The following RAB11FIP4 variants were observed in gnomAD, a reference collection of about 807,000 sequenced individuals.
The protein encoded by RAB11FIP4 is RAB11 family interacting protein 4.
A neutral mutation model predicts 74.3 loss-of-function variants in RAB11FIP4; 23 were observed. The observed-to-expected ratio is 0.31, with a 90% CI of 0.22 to 0.44. RAB11FIP4 has a LOEUF of 0.44. RAB11FIP4 is among the 20% of genes least tolerant of loss of function. The pLI is 1.00. For synonymous variants in RAB11FIP4, 360 were observed against 359.9 expected (o/e 1.00, Z 0.00); for missense variants, 630 against 863.9 (o/e 0.73, Z 3.39).
intron 1 of RAB11FIP4, among the ~76,000 whole-genome samples, chr17:31,420,015 T>G (rs1447108252): frequency 6.6e-6 from 1 of 152,208 alleles, no homozygotes; most frequent in African/African-American, 2.4e-5. Flanking sequence ...GGTCCTGAGG[T>G]TTTCCTTTTT....
intron 3 of RAB11FIP4, among the ~76,000 whole-genome samples, chr17:31,455,675 T>C (rs1038458730): frequency 2.0e-5 from 3 of 152,186 alleles, no homozygotes; most frequent in Non-Finnish European, 4.4e-5. Flanking sequence ...ATTGGTTGAC[T>C]TTACAACCAA....
At chr17:31,447,100 C>A (rs546066774) in intron 3 of RAB11FIP4, among the ~76,000 whole-genome samples, 5 of 152,182 alleles carry the variant, frequency 3.3e-5, no homozygotes, top group East Asian at 3.9e-4. Context: ...CTGGCTAACA[C>A]GGTGAAACCC....
intron 7 of RAB11FIP4, 79 bp downstream of exon 7, chr17:31,522,474 C>A: frequency 7.0e-7 from 1 of 1,424,040 alleles, no homozygotes; most frequent in Non-Finnish European, 9.8e-7. Flanking sequence ...GCCAGCAGCC[C>A]GGACTCAGCT....
chr17:31,466,084 C>G (rs1270348100), intron 3 of RAB11FIP4, among the ~76,000 whole-genome samples: 1 of 151,874 alleles, frequency 6.6e-6, no homozygotes. Context: ...GCGGAGGTTG[C>G]AGTGAGCCGA....
chr17:31,510,399 G>A (rs561713702), intron 3 of RAB11FIP4, among the ~76,000 whole-genome samples: 1 of 152,232 alleles, frequency 6.6e-6, no homozygotes, highest in Non-Finnish European at 1.5e-5. Context: ...AGCGCTGCAC[G>A]TGTGCCTGCT....
intron 3 of RAB11FIP4, among the ~76,000 whole-genome samples, chr17:31,437,776 C>A (rs936095902): frequency 6.6e-6 from 1 of 152,132 alleles, no homozygotes; most frequent in Non-Finnish European, 1.5e-5. Context: ...GAGCACCCTG[C>A]CCTTCTTGAC....
In RAB11FIP4 at chr17:31,406,369, G is replaced by C. The variant is rs372105653; in HGVS notation, c.159+14358G>C. Among the ~76,000 whole-genome samples the C allele has an allele frequency of 2.9e-3, 449 of 152,334 alleles. 1 individual carries two copies. Among genetic ancestry groups the C allele is most frequent in the South Asian group, 0.012 (60 of 4,830 alleles). On this transcript the variant is annotated intron_variant, in intron 1 of 14. Coordinates refer to ENST00000621161, the MANE Select transcript of RAB11FIP4 (RefSeq NM_032932.6). ...GGAGGCACGTCCTAGACACTGTGTG[G>C]GTGGAATCCAGGGCCTGTCTGCTCA... is the stretch of plus-strand genomic sequence containing the variant.
At chr17:31,450,912 C>T (rs375447918) in intron 3 of RAB11FIP4, among the ~76,000 whole-genome samples, 15 of 152,152 alleles carry the variant, frequency 9.9e-5, no homozygotes, top group East Asian at 5.8e-4. Flanking sequence ...CAGTAAATGG[C>T]ACCACCTCCC....
intron 3 of RAB11FIP4, among the ~76,000 whole-genome samples, chr17:31,488,933 TG>T (rs1217382354): frequency 6.6e-6 from 1 of 152,216 alleles, no homozygotes; most frequent in African/African-American, 2.4e-5. Flanking sequence ...GTGTCTGTGC[TG>T]TGGGGAACTG....
intron 3 of RAB11FIP4, among the ~76,000 whole-genome samples, chr17:31,454,251 G>A (rs1450779419): frequency 5.3e-5 from 8 of 152,148 alleles, no homozygotes; most frequent in Admixed American, 5.2e-4. Flanking sequence ...GAAAATGGCT[G>A]TCATAGAAGA....
At chr17:31,494,375 C>G (rs2072073564) in intron 3 of RAB11FIP4, among the ~76,000 whole-genome samples, 1 of 146,788 alleles carries the variant, frequency 6.8e-6, no homozygotes, top group African/African-American at 2.6e-5. Context: ...CGTGGTAAGG[C>G]TCAAATATGT....
At chr17:31,396,563 G>A (rs542028825) in intron 1 of RAB11FIP4, among the ~76,000 whole-genome samples, 8 of 152,198 alleles carry the variant, frequency 5.3e-5, no homozygotes, top group African/African-American at 7.2e-5. Flanking sequence ...ACACTTGCAA[G>A]CATTTTTGAG....
intron 1 of RAB11FIP4, 64 bp downstream of exon 1, chr17:31,392,075 A>T (rs1483951784): frequency 1.2e-6 from 1 of 812,838 alleles, no homozygotes; most frequent in Admixed American, 3.2e-4. Flanking sequence ...CCCCTCCCCC[A>T]GCTCCCCCGC....
At chr17:31,447,023 G>A (rs945236786) in intron 3 of RAB11FIP4, among the ~76,000 whole-genome samples, 1 of 152,024 alleles carries the variant, frequency 6.6e-6, no homozygotes, top group Non-Finnish European at 1.5e-5. Context: ...CGTGGCTCTC[G>A]CCTGTAATCC....
intron 10 of RAB11FIP4, chr17:31,525,726 T>G (rs573164966): frequency 6.2e-6 from 1 of 162,332 alleles, no homozygotes; most frequent in East Asian, 1.9e-4. Flanking sequence ...TTGGACGTAC[T>G]GGGTCACCTC....
intron 3 of RAB11FIP4, among the ~76,000 whole-genome samples, chr17:31,475,554 A>G (rs2071783172): frequency 6.6e-6 from 1 of 152,332 alleles, no homozygotes; most frequent in Non-Finnish European, 1.5e-5. Context: ...TTACTTGCAC[A>G]TTCTGTATTT....
Position 31,537,601 on chromosome 17 carries a change from C to G in RAB11FIP4, c.*5869C>G, listed in dbSNP as rs571594114. On this transcript the variant is annotated 3_prime_UTR_variant, in exon 15 of 15. Transcript: ENST00000621161. ...CCGCTCCGTGCACTGTCTCTGCCCC[C>G]AGAGGAAGCCCTGTCCATGGTTCCT... 6.1e-6 allele frequency: 1 copy of G among 163,568 alleles called. No individual in the cohort carries two copies. Among genetic ancestry groups the G allele is most frequent in the African/African-American group, 2.4e-5 (1 of 41,970 alleles). The allele number at this position is 163,568 out of a possible 1,614,324, so 10.1% of individuals were successfully genotyped here. A position where few individuals can be genotyped will look rare whatever the true frequency, so the allele number is the denominator to read the frequency against.
At chr17:31,441,441 G>A (rs2071406372) in intron 3 of RAB11FIP4, among the ~76,000 whole-genome samples, 1 of 151,998 alleles carries the variant, frequency 6.6e-6, no homozygotes, top group Non-Finnish European at 1.5e-5. Context: ...TTTTATAACT[G>A]GTTACAACTG....
chr17:31,474,283 G>A (rs2071767897), intron 3 of RAB11FIP4, among the ~76,000 whole-genome samples: 1 of 152,156 alleles, frequency 6.6e-6, no homozygotes, highest in Admixed American at 6.6e-5. Flanking sequence ...TAAAGTCTCA[G>A]GCTAGGTGAG....
Sources: gnomAD v4.1 joint callset for allele counts (sites outside exome capture counted in the v4.1 genomes callset) on GRCh38, gnomAD v4.1.1 for gene constraint, MANE v1.5 for transcripts, NCBI Gene and HGNC (gene_info 2026-07-23, HGNC 2026-07-21) for gene names.